The following ALK variants were observed in gnomAD, a reference collection of about 807,000 sequenced individuals.
ALK encodes the protein ALK tyrosine kinase receptor.
A neutral mutation model predicts 163.1 loss-of-function variants in ALK; 74 were observed. The observed-to-expected ratio is 0.45, with a 90% CI of 0.38 to 0.55. ALK has a LOEUF of 0.55. ALK is among the 20% of genes least tolerant of loss of function. The pLI is 0.00. For synonymous variants in ALK, 960 were observed against 843.2 expected (o/e 1.14, Z -2.40); for missense variants, 2,063 against 2,105.3 (o/e 0.98, Z 0.39).
chr2:29,299,082 G>A (rs1022855511), intron 8 of ALK, among the ~76,000 whole-genome samples: 3 of 152,170 alleles, frequency 2.0e-5, no homozygotes, highest in Admixed American at 2.0e-4. Context: ...GTTACTTGTT[G>A]CTCATTCTCT....
At chr2:29,438,668 A>G (rs1670462630) in intron 4 of ALK, among the ~76,000 whole-genome samples, 2 of 152,178 alleles carry the variant, frequency 1.3e-5, no homozygotes, top group Non-Finnish European at 1.5e-5. Flanking sequence ...TGACCTTCAG[A>G]GGGCTGCCTT....
intron 3 of ALK, among the ~76,000 whole-genome samples, chr2:29,609,091 G>A (rs960483473): frequency 6.6e-6 from 1 of 151,930 alleles, no homozygotes; most frequent in Non-Finnish European, 1.5e-5. Flanking sequence ...GCCTGGCTAA[G>A]TTTTGTATTT....
At chr2:29,660,507 C>A (rs766076589) in intron 3 of ALK, among the ~76,000 whole-genome samples, 1 of 116,020 alleles carries the variant, frequency 8.6e-6, no homozygotes, top group Admixed American at 8.8e-5. Context: ...CAGGCCAATG[C>A]CTCACACAAT....
chr2:29,436,222 T>C (rs1228194195), intron 4 of ALK, among the ~76,000 whole-genome samples: 1 of 152,210 alleles, frequency 6.6e-6, no homozygotes, highest in Non-Finnish European at 1.5e-5. Context: ...CCGTGTGCCA[T>C]GTATTCAAAT....
intron 3 of ALK, among the ~76,000 whole-genome samples, chr2:29,571,386 G>C (rs1334500910): frequency 6.6e-6 from 1 of 152,088 alleles, no homozygotes; most frequent in African/African-American, 2.4e-5. Flanking sequence ...GGATCATGGG[G>C]GAAGTTTCCC....
rs143904304 is a variant in ALK, at chr2:29,314,331, C to T, written c.1647+3973G>A. 3.1e-4 allele frequency among the ~76,000 whole-genome samples: 47 copies of T among 152,132 alleles called. 1 individual carries two copies. In the East Asian group the frequency reaches 3.5e-3, roughly 11 times the overall value. On this transcript the variant is annotated intron_variant, in intron 8 of 28. Transcript: ENST00000389048. ...CCCCTTTTCTCCAGGCCCATGTAGA[C>T]GTGGAAGGGGCCCGCTGGTCACCTT...
chr2:29,431,833 A>G (rs1338382144), intron 4 of ALK, among the ~76,000 whole-genome samples: 3 of 152,130 alleles, frequency 2.0e-5, no homozygotes, highest in Non-Finnish European at 4.4e-5. Flanking sequence ...TTGAGGGCCT[A>G]CTAGGTAATA....
chr2:29,321,136 G>T (rs1296073661), intron 6 of ALK, among the ~76,000 whole-genome samples: 1 of 152,220 alleles, frequency 6.6e-6, no homozygotes, highest in Non-Finnish European at 1.5e-5. Flanking sequence ...CAGCATGGGT[G>T]TTGTTAGTCC....
chr2:29,814,912 G>C (rs538934321), intron 1 of ALK, among the ~76,000 whole-genome samples: 35 of 151,696 alleles, frequency 2.3e-4, no homozygotes, highest in Admixed American at 6.6e-4. Context: ...AGTGGCAGTA[G>C]TCGTGGTGGT....
intron 3 of ALK, among the ~76,000 whole-genome samples, chr2:29,592,152 G>C (rs1195479473): frequency 6.6e-6 from 1 of 152,070 alleles, no homozygotes; most frequent in Non-Finnish European, 1.5e-5. Context: ...GATGGCTTCT[G>C]GGGTACTCAG....
chr2:29,735,637 G>T (rs1216939527), intron 1 of ALK, among the ~76,000 whole-genome samples: 1 of 152,010 alleles, frequency 6.6e-6, no homozygotes, highest in African/African-American at 2.4e-5. Context: ...CACGTCATGG[G>T]AGGGGCCCAG....
chr2:29,812,406 G>A (rs1021829488), intron 1 of ALK, among the ~76,000 whole-genome samples: 1 of 152,098 alleles, frequency 6.6e-6, no homozygotes, highest in Non-Finnish European at 1.5e-5. Context: ...GAGTCAGAAA[G>A]AGTTGTGTAC....
intron 3 of ALK, among the ~76,000 whole-genome samples, chr2:29,532,648 T>C (rs946466177): frequency 5.3e-5 from 8 of 152,188 alleles, no homozygotes; most frequent in African/African-American, 1.9e-4. Flanking sequence ...ATCTCCCCTG[T>C]TGTTGTGCCC....
chr2:29,433,207 G>A (rs1208388569), intron 4 of ALK, among the ~76,000 whole-genome samples: 1 of 152,130 alleles, frequency 6.6e-6, no homozygotes, highest in African/African-American at 2.4e-5. Flanking sequence ...TGTTTCTCAG[G>A]CCCTTTTGGT....
At chr2:29,731,533 G>A (rs1679742161) in intron 1 of ALK, among the ~76,000 whole-genome samples, 1 of 152,198 alleles carries the variant, frequency 6.6e-6, no homozygotes, top group Non-Finnish European at 1.5e-5. Flanking sequence ...GAGATTCTGG[G>A]CAGCATCGGG....
chr2:29,912,452 C>T (rs1204712435), intron 1 of ALK, among the ~76,000 whole-genome samples: 1 of 152,046 alleles, frequency 6.6e-6, no homozygotes, highest in Non-Finnish European at 1.5e-5. Flanking sequence ...ACTGTCAATG[C>T]ATAATTCTGA....
At chr2:29,872,507 C>T (rs1666604122) in intron 1 of ALK, among the ~76,000 whole-genome samples, 1 of 152,166 alleles carries the variant, frequency 6.6e-6, no homozygotes, top group Non-Finnish European at 1.5e-5. Context: ...TACATTAGCC[C>T]ACAGTTGGGG....
Position 29,383,811 on chromosome 2 carries a change from T to G in ALK, c.1203A>C (p.Arg401=). 1.9e-6 allele frequency: 3 copies of G among 1,614,126 alleles called. No individual in the cohort carries two copies. Among genetic ancestry groups the G allele is most frequent in the Non-Finnish European group, 2.5e-6 (3 of 1,180,002 alleles). ...CACTGGAGATGTATTCCAGGGCCAC[T>G]CGAAATGGGTTGTCTGGACGCCCGA... The part of the protein sequence containing the change: ...GRIGRPDNPF[R]VALEYISSGN... Residue 401 remains arginine (R), a synonymous_variant, in exon 5 of 29, where the codon CGA becomes CGC. Transcript: ENST00000389048.
chr2:29,314,491 G>A (rs1666775340), intron 8 of ALK, among the ~76,000 whole-genome samples: 1 of 152,120 alleles, frequency 6.6e-6, no homozygotes, highest in Middle Eastern at 3.2e-3. Context: ...GTGTATGTGT[G>A]TGTGTGTTTG....
Sources: allele counts gnomAD v4.1 joint callset (sites outside exome capture counted in the v4.1 genomes callset), GRCh38; gene constraint gnomAD v4.1.1; transcripts MANE v1.5; gene names NCBI Gene and HGNC (gene_info 2026-07-23, HGNC 2026-07-21).